The following ITK variants were observed in gnomAD, a reference collection of about 807,000 sequenced individuals.
The protein encoded by ITK is IL2 inducible T cell kinase.
A neutral mutation model predicts 87.6 loss-of-function variants in ITK; 45 were observed. That is an observed-to-expected ratio of 0.51 (90% CI 0.40 to 0.66). The LOEUF is 0.66. Among genes scored for constraint, ITK ranks in the 30% least tolerant of loss-of-function variants. The pLI is 0.00. For missense variants in ITK, 605 were observed against 766.3 expected (o/e 0.79, Z 2.48); for synonymous variants, 303 against 273.6 (o/e 1.11, Z -1.06).
rs1156601303 is a variant in ITK at position 157,209,009 on chromosome 5, G to T, written c.243+16G>T. ...CCCGTTTCAGGTAAGTCCATCAGGT[G>T]GGTAGTTCCCCATTCCCTGGACTGT... is the stretch of plus-strand genomic sequence containing the variant. On this transcript the variant is annotated intron_variant, in intron 2 of 16. Coordinates refer to ENST00000422843, the MANE Select transcript of ITK (RefSeq NM_005546.4). 7.9e-6 allele frequency: 12 copies of T among 1,527,902 alleles called. No homozygotes were observed. The highest frequency in any genetic ancestry group is 1.0e-5 in the Non-Finnish European group (11 of 1,101,592). The allele number at this position is 1,527,902 out of a possible 1,614,324, so 94.6% of individuals were successfully genotyped here. A position where few individuals can be genotyped will look rare whatever the true frequency, so the allele number is the denominator to read the frequency against.
Position 157,214,077 on chromosome 5 carries a change from G to A in ITK, c.326-114G>A, listed in dbSNP as rs1754248187. ...CAACCCATGCTTCTGAGTGGTCTGG[G>A]CAATACTCATTCAGGCTCACTCAGC... On this transcript the variant is annotated intron_variant, in intron 3 of 16. Coordinates refer to ENST00000422843, the MANE Select transcript of ITK (RefSeq NM_005546.4). 32 of 834,814 alleles carry A rather than the reference G, an allele frequency of 3.8e-5. No individual in the cohort carries two copies. The South Asian group carries it at 4.0e-4, about 10-fold the overall frequency. The allele number at this position is 834,814 out of a possible 1,614,324, so 51.7% of individuals were successfully genotyped here.
intron 3 of ITK, among the ~76,000 whole-genome samples, chr5:157,211,723 C>T (rs1441802899): frequency 6.6e-6 from 1 of 152,172 alleles, no homozygotes; most frequent in African/African-American, 2.4e-5. Context: ...GCCAACTCCT[C>T]GTATAGTATG....
intron 12 of ITK, 72 bp downstream of exon 12, chr5:157,243,866 C>A: frequency 7.1e-7 from 1 of 1,410,332 alleles, no homozygotes; most frequent in Non-Finnish European, 1.0e-6. Context: ...AAATGCCATT[C>A]AAACGCCAGG....
intron 5 of ITK, among the ~76,000 whole-genome samples, chr5:157,218,770 T>C (rs1251644682): frequency 6.6e-6 from 1 of 152,148 alleles, no homozygotes; most frequent in Non-Finnish European, 1.5e-5. Flanking sequence ...TCTGGCGTGG[T>C]GGTCTTTAAC....
At chr5:157,227,249 G>A (rs969031139) in intron 6 of ITK, among the ~76,000 whole-genome samples, 26 of 152,172 alleles carry the variant, frequency 1.7e-4, no homozygotes, top group African/African-American at 5.6e-4. Flanking sequence ...AAGGGATGCC[G>A]CTTTCACCCT....
intron 1 of ITK, among the ~76,000 whole-genome samples, chr5:157,203,905 T>C (rs896826838): frequency 6.6e-6 from 1 of 152,160 alleles, no homozygotes. Context: ...AAGACAAATA[T>C]ACTCCAAATG....
chr5:157,215,017 A>G (rs1049927097), intron 4 of ITK, among the ~76,000 whole-genome samples: 2 of 152,150 alleles, frequency 1.3e-5, no homozygotes, highest in Non-Finnish European at 2.9e-5. Flanking sequence ...GATTTTATTG[A>G]TGACTTTGGA....
chr5:157,214,337 C>A lies in ITK; in HGVS notation c.454+18C>A. ...CAAGAATGGTAAGAGACTGGGAATT[C>A]CCTCTAGTTTTTGTGAAATGACCAT... On this transcript the variant is annotated intron_variant, in intron 4 of 16. Coordinates refer to ENST00000422843, the MANE Select transcript of ITK (RefSeq NM_005546.4). 1 of 1,609,046 alleles carries A rather than the reference C, an allele frequency of 6.2e-7. No individual in the cohort carries two copies.
intron 2 of ITK, among the ~76,000 whole-genome samples, chr5:157,209,608 G>T (rs1445802799): frequency 6.6e-6 from 1 of 151,980 alleles, no homozygotes; most frequent in Non-Finnish European, 1.5e-5. Flanking sequence ...TGCTATCAGC[G>T]GCCTGAAACC....
chr5:157,186,945 T>A (rs1050226401), intron 1 of ITK, among the ~76,000 whole-genome samples: 2 of 152,192 alleles, frequency 1.3e-5, no homozygotes, highest in African/African-American at 4.8e-5. Context: ...CGTTGATGTG[T>A]CCCTACAGCG....
At chr5:157,214,649 T>G (rs1418383021) in intron 4 of ITK, among the ~76,000 whole-genome samples, 1 of 152,114 alleles carries the variant, frequency 6.6e-6, no homozygotes, top group Non-Finnish European at 1.5e-5. Flanking sequence ...GAGACTTATG[T>G]GCACAGTACA....
rs149816509 is a variant in ITK, at chr5:157,188,629, G to A, written c.138+7514G>A. 6.5e-3 allele frequency among the ~76,000 whole-genome samples: 985 copies of A among 152,220 alleles called. 12 individuals are homozygous for A. Among genetic ancestry groups the A allele is most frequent in the African/African-American group, 0.023 (935 of 41,538 alleles). ...TTTTTGCAGGAGGGTTTGTTTGTTT[G>A]CTTGTTTGTCTGAAACATGGTCTTG... On this transcript the variant is annotated intron_variant, in intron 1 of 16. Coordinates refer to ENST00000422843, the MANE Select transcript of ITK (RefSeq NM_005546.4).
chr5:157,203,345 T>G (rs1270039479), intron 1 of ITK, among the ~76,000 whole-genome samples: 1 of 152,240 alleles, frequency 6.6e-6, no homozygotes, highest in Non-Finnish European at 1.5e-5. Flanking sequence ...TTAAACTGTG[T>G]TCCAACCTGA....
In ITK at chr5:157,238,098, A is replaced by C; in HGVS notation, c.769-11A>C. 6.2e-7 allele frequency: 1 copy of C among 1,604,784 alleles called. No homozygotes were observed. The highest frequency in any genetic ancestry group is 1.7e-5 in the Admixed American group (1 of 60,000). On this transcript the variant is annotated splice_polypyrimidine_tract_variant and intron_variant, in intron 8 of 16. Coordinates refer to ENST00000422843, the MANE Select transcript of ITK (RefSeq NM_005546.4). The stretch of plus-strand genomic sequence containing the variant: ...AGATCACTAACTTTCCATTCTTTCT[A>C]ACCATTCCAGGGCAAAGAAGGAGCC...
At chr5:157,191,302 T>C (rs921195169) in intron 1 of ITK, among the ~76,000 whole-genome samples, 5 of 152,070 alleles carry the variant, frequency 3.3e-5, no homozygotes, top group Admixed American at 2.6e-4. Context: ...TCTCACTCCA[T>C]GTTTTGATGG....
intron 1 of ITK, among the ~76,000 whole-genome samples, chr5:157,203,877 C>T (rs1395498417): frequency 6.6e-6 from 1 of 152,188 alleles, no homozygotes; most frequent in African/African-American, 2.4e-5. Flanking sequence ...TATATATACC[C>T]TATAAAAGTG....
intron 3 of ITK, 32 bp from the exon 4 acceptor site, chr5:157,214,159 A>G: frequency 6.2e-7 from 1 of 1,601,248 alleles, no homozygotes; most frequent in Non-Finnish European, 8.6e-7. Flanking sequence ...TGACCTGGAA[A>G]TAACTCTTCT....
At chr5:157,234,354 A>G (rs911543120) in intron 8 of ITK, among the ~76,000 whole-genome samples, 5 of 152,124 alleles carry the variant, frequency 3.3e-5, no homozygotes, top group African/African-American at 4.8e-5. Flanking sequence ...GCAAACATCA[A>G]TGGGTCCCTG....
chr5:157,238,266 A>G (rs1754817813), intron 9 of ITK, 75 bp downstream of exon 9: 1 of 1,128,406 alleles, frequency 8.9e-7, no homozygotes, highest in Non-Finnish European at 1.4e-6. Flanking sequence ...AAAAGACAAC[A>G]AAGTTAGACA....
Sources: allele counts gnomAD v4.1 joint callset (sites outside exome capture counted in the v4.1 genomes callset), GRCh38; gene constraint gnomAD v4.1.1; transcripts MANE v1.5; gene names NCBI Gene and HGNC (gene_info 2026-07-23, HGNC 2026-07-21).